The following TBC1D9 variants were observed in gnomAD, a reference collection of about 807,000 sequenced individuals.
TBC1D9 encodes TBC1 domain family member 9, also known as TBC1 domain family member 9A.
TBC1D9 carries 63 observed loss-of-function variants against 132.0 expected under a neutral mutation model. That is an observed-to-expected ratio of 0.48 (90% CI 0.39 to 0.59). The LOEUF (loss-of-function observed/expected upper bound fraction) is 0.59, where lower values mean the gene tolerates loss of function less well. Ranked by LOEUF, TBC1D9 falls within the 20% of genes least tolerant of loss-of-function variation. The probability of loss-of-function intolerance (pLI) is 0.00; values close to 1 mark genes in which losing one functional copy is unlikely to be tolerated. For synonymous variants in TBC1D9, 610 were observed against 609.9 expected (o/e 1.00, Z 0.00); for missense variants, 1,261 against 1,592.7 (o/e 0.79, Z 3.54).
chr4:140,727,240 C>T (rs1332584964), intron 1 of TBC1D9, among the ~76,000 whole-genome samples: 1 of 152,156 alleles, frequency 6.6e-6, no homozygotes, highest in Non-Finnish European at 1.5e-5. Flanking sequence ...AGTGATTGCC[C>T]CTATTCACTG....
intron 13 of TBC1D9, chr4:140,645,279 T>C: frequency 1.9e-6 from 1 of 520,720 alleles, no homozygotes; most frequent in South Asian, 1.4e-5. Context: ...TCTTTCACAT[T>C]ACTCAGTGAC....
chr4:140,653,559 C>T (rs1030985108), intron 13 of TBC1D9, among the ~76,000 whole-genome samples: 2 of 151,726 alleles, frequency 1.3e-5, no homozygotes, highest in African/African-American at 2.4e-5. Flanking sequence ...TTTTTAAAAG[C>T]TTAGCTTAAA....
intron 1 of TBC1D9, among the ~76,000 whole-genome samples, chr4:140,743,812 T>C (rs1192608461): frequency 6.6e-6 from 1 of 152,180 alleles, no homozygotes; most frequent in Non-Finnish European, 1.5e-5. Flanking sequence ...CTTCATAAAG[T>C]GGGTCCTCTC....
intron 9 of TBC1D9, among the ~76,000 whole-genome samples, chr4:140,663,639 A>G (rs1737399435): frequency 6.6e-6 from 1 of 152,194 alleles, no homozygotes; most frequent in African/African-American, 2.4e-5. Flanking sequence ...AAACAATCTA[A>G]ATACCCATTA....
At chr4:140,742,888 CAGGAGG>C (rs78912702) in intron 1 of TBC1D9, among the ~76,000 whole-genome samples, 33 of 150,374 alleles carry the variant, frequency 2.2e-4, no homozygotes, top group African/African-American at 5.6e-4. Flanking sequence ...AGAGGAGGAG[CAGGAGG>C]AGGAGGAGGA....
chr4:140,644,614 G>A (rs1737071469), intron 13 of TBC1D9: 3 of 374,230 alleles, frequency 8.0e-6, no homozygotes, highest in Admixed American at 3.8e-5. Flanking sequence ...ACTCCTCTGC[G>A]CCTTCAGCCG....
intron 1 of TBC1D9, among the ~76,000 whole-genome samples, chr4:140,745,968 T>C (rs1190193615): frequency 2.0e-5 from 3 of 152,214 alleles, no homozygotes; most frequent in Non-Finnish European, 4.4e-5. Flanking sequence ...GATTATAAAA[T>C]GGAAAGTCTC....
chr4:140,739,173 T>C (rs12386422), intron 1 of TBC1D9, among the ~76,000 whole-genome samples: 58,291 of 151,938 alleles, frequency 0.38, 13,291 homozygotes, highest in African/African-American at 0.62. Context: ...GTATTATTAA[T>C]AGAGACGGAG....
At chr4:140,634,528 G>T (rs1037878979) in intron 15 of TBC1D9, among the ~76,000 whole-genome samples, 1 of 152,020 alleles carries the variant, frequency 6.6e-6, no homozygotes, top group Non-Finnish European at 1.5e-5. Context: ...CCCATAAAGA[G>T]AAAGAAATTT....
At chr4:140,720,158 T>C (rs1464974825) in intron 1 of TBC1D9, among the ~76,000 whole-genome samples, 2 of 152,118 alleles carry the variant, frequency 1.3e-5, no homozygotes, top group East Asian at 3.9e-4. Flanking sequence ...GGAAGGCACA[T>C]GGGATGTGTG....
intron 9 of TBC1D9, among the ~76,000 whole-genome samples, chr4:140,662,691 G>T (rs1373170171): frequency 1.3e-5 from 2 of 152,116 alleles, no homozygotes; most frequent in African/African-American, 2.4e-5. Flanking sequence ...GTTGACAGAA[G>T]TTCCTCAGGT....
At chr4:140,645,152 C>T in intron 13 of TBC1D9, 1 of 560,444 alleles carries the variant, frequency 1.8e-6, no homozygotes, top group Non-Finnish European at 3.4e-6. Flanking sequence ...CCAGGTCAGC[C>T]AGCTCATTAC....
At chr4:140,640,588 C>T (rs1736971535) in intron 13 of TBC1D9, among the ~76,000 whole-genome samples, 1 of 152,046 alleles carries the variant, frequency 6.6e-6, no homozygotes, top group Non-Finnish European at 1.5e-5. Context: ...TGTCTAGGAA[C>T]AAAAGGAAAG....
chr4:140,731,794 T>C (rs1156279806), intron 1 of TBC1D9, among the ~76,000 whole-genome samples: 3 of 152,128 alleles, frequency 2.0e-5, no homozygotes, highest in Admixed American at 1.3e-4. Flanking sequence ...TATAGCTCTA[T>C]GAAAAAAACA....
At chr4:140,746,679 C>T (rs148586288) in intron 1 of TBC1D9, among the ~76,000 whole-genome samples, 108 of 152,088 alleles carry the variant, frequency 7.1e-4, no homozygotes, top group Non-Finnish European at 1.2e-3. Context: ...AAGAGCCAAG[C>T]GAAAGGGGTT....
chr4:140,727,695 A>T (rs1381609459), intron 1 of TBC1D9, among the ~76,000 whole-genome samples: 1 of 152,150 alleles, frequency 6.6e-6, no homozygotes, highest in Non-Finnish European at 1.5e-5. Flanking sequence ...GAAATTTGTC[A>T]TGTATTTCTG....
intron 1 of TBC1D9, among the ~76,000 whole-genome samples, chr4:140,739,633 T>C (rs1316450172): frequency 6.6e-6 from 1 of 152,212 alleles, no homozygotes; most frequent in African/African-American, 2.4e-5. Flanking sequence ...TGTCTATATA[T>C]TGTCTATGCT....
At position 140,621,185 on chromosome 4, in the gene TBC1D9, ATTT is replaced by A. The variant is rs1002457146; in HGVS notation, c.*1007_*1009del. The A allele has an allele frequency of 6.6e-6, 1 of 152,522 alleles. No homozygotes were observed. Among genetic ancestry groups the A allele is most frequent in the African/African-American group, 2.4e-5 (1 of 41,408 alleles). 9.4% of individuals were successfully genotyped at this position (152,522 alleles called of 1,614,324 possible). On this transcript the variant is annotated 3_prime_UTR_variant, in exon 21 of 21. Coordinates refer to ENST00000442267, the MANE Select transcript of TBC1D9 (RefSeq NM_015130.3). ...AACATTCAGTTACATTATCTTGCAG[ATTT>A]TTTTTCAGTTTACATTATCTCTACA...
chr4:140,650,619 G>A (rs1351950272), intron 13 of TBC1D9, among the ~76,000 whole-genome samples: 2 of 152,048 alleles, frequency 1.3e-5, no homozygotes, highest in African/African-American at 2.4e-5. Flanking sequence ...TGCAATCTCC[G>A]CCTCCCAGGT....
Sources: allele counts gnomAD v4.1 joint callset (sites outside exome capture counted in the v4.1 genomes callset), GRCh38; gene constraint gnomAD v4.1.1; transcripts MANE v1.5; gene names NCBI Gene and HGNC (gene_info 2026-07-23, HGNC 2026-07-21).